Variants in RIMS2 observed in about 807,000 individuals in gnomAD.
RIMS2 encodes the protein regulating synaptic membrane exocytosis protein 2.
In RIMS2, 59 loss-of-function variants were observed where a neutral mutation model predicts 174.4. The observed-to-expected ratio is 0.34, with a 90% confidence interval of 0.27 to 0.42. RIMS2 has a LOEUF of 0.42. Ranked by LOEUF, RIMS2 falls within the 10% of genes least tolerant of loss-of-function variation. RIMS2 has a pLI of 1.00. For missense variants in RIMS2, 1,620 were observed against 1,666.3 expected (o/e 0.97, Z 0.48); for synonymous variants, 606 against 572.5 (o/e 1.06, Z -0.84).
At chr8:103,820,218 T>A (rs1401343779) in intron 3 of RIMS2, among the ~76,000 whole-genome samples, 1 of 152,090 alleles carries the variant, frequency 6.6e-6, no homozygotes, top group African/African-American at 2.4e-5. Context: ...GTGAAGGCTG[T>A]TAAATTATGA....
intron 1 of RIMS2, among the ~76,000 whole-genome samples, chr8:103,524,029 T>C (rs1046038305): frequency 2.6e-5 from 4 of 152,192 alleles, no homozygotes; most frequent in African/African-American, 7.2e-5. Context: ...TTCTAAGTAC[T>C]GACAACTGTA....
chr8:104,120,121 G>A (rs1246772110), intron 19 of RIMS2, among the ~76,000 whole-genome samples: 1 of 152,106 alleles, frequency 6.6e-6, no homozygotes, highest in Non-Finnish European at 1.5e-5. Context: ...TCAGGCTTCA[G>A]TTTTCTCACT....
At chr8:104,231,124 C>G (rs2099225671) in intron 19 of RIMS2, among the ~76,000 whole-genome samples, 1 of 152,114 alleles carries the variant, frequency 6.6e-6, no homozygotes, top group Admixed American at 6.5e-5. Flanking sequence ...TCGTTGTCAC[C>G]TTGGTAGTTT....
At chr8:104,102,004 C>G (rs2097912676) in intron 19 of RIMS2, among the ~76,000 whole-genome samples, 1 of 151,844 alleles carries the variant, frequency 6.6e-6, no homozygotes, top group Non-Finnish European at 1.5e-5. Context: ...CATCCTGGGC[C>G]CTCTTTTCTT....
intron 15 of RIMS2, among the ~76,000 whole-genome samples, chr8:103,967,636 A>G (rs914071182): frequency 6.6e-6 from 1 of 152,230 alleles, no homozygotes; most frequent in East Asian, 1.9e-4. Flanking sequence ...GTAATCTCCA[A>G]CTATAATGGT....
At chr8:103,681,698 A>G (rs2096882544) in intron 1 of RIMS2, among the ~76,000 whole-genome samples, 1 of 152,238 alleles carries the variant, frequency 6.6e-6, no homozygotes, top group East Asian at 1.9e-4. Flanking sequence ...TGTGTATAGT[A>G]TATCCAAGGT....
At chr8:104,138,351 A>C (rs1320687471) in intron 19 of RIMS2, among the ~76,000 whole-genome samples, 1 of 152,134 alleles carries the variant, frequency 6.6e-6, no homozygotes, top group Non-Finnish European at 1.5e-5. Flanking sequence ...GGAACCTCCA[A>C]ACTTGTCTTC....
chr8:103,702,336 C>T lies in RIMS2; in HGVS notation c.387+5040C>T, dbSNP rs545803537. Among the ~76,000 whole-genome samples, 3 of 151,918 alleles carry T rather than the reference C, an allele frequency of 2.0e-5. No individual in the cohort carries two copies. The South Asian group carries it at 6.3e-4, about 32-fold the overall frequency. ...TTTTTTGTATATTCCAGTTATTAAT[C>T]CCTTATTGGATAGATAATTTGTAAA... On this transcript the variant is annotated intron_variant, in intron 2 of 23. Coordinates refer to ENST00000504942, the Ensembl canonical transcript of RIMS2.
chr8:104,192,121 G>A (rs2099001034), intron 19 of RIMS2, among the ~76,000 whole-genome samples: 1 of 152,116 alleles, frequency 6.6e-6, no homozygotes, highest in Non-Finnish European at 1.5e-5. Flanking sequence ...TCTCTCAACT[G>A]CAGGCAGTAG....
At chr8:103,790,622 T>C (rs574863451) in intron 3 of RIMS2, among the ~76,000 whole-genome samples, 1 of 152,306 alleles carries the variant, frequency 6.6e-6, no homozygotes, top group East Asian at 1.9e-4. Flanking sequence ...TTATAATCAT[T>C]CCAGGGAGTA....
chr8:103,729,863 C>T (rs2097570067), intron 2 of RIMS2, among the ~76,000 whole-genome samples: 2 of 152,062 alleles, frequency 1.3e-5, no homozygotes, highest in Non-Finnish European at 2.9e-5. Context: ...TAAAATTCCT[C>T]TTGTTATTGA....
At chr8:103,948,281 CT>C (rs1449865411) in intron 14 of RIMS2, among the ~76,000 whole-genome samples, 2 of 152,148 alleles carry the variant, frequency 1.3e-5, no homozygotes, top group African/African-American at 4.8e-5. Flanking sequence ...ACAGTTTGGT[CT>C]TTGTTAAAAA....
chr8:104,219,881 T>C (rs1182703652), intron 19 of RIMS2, among the ~76,000 whole-genome samples: 1 of 152,168 alleles, frequency 6.6e-6, no homozygotes, highest in Non-Finnish European at 1.5e-5. Flanking sequence ...TTTCAATCTT[T>C]TATCAGTAGT....
chr8:103,835,249 G>C (rs377157474), intron 3 of RIMS2, among the ~76,000 whole-genome samples: 120 of 151,636 alleles, frequency 7.9e-4, no homozygotes, highest in African/African-American at 2.7e-3. Context: ...CTACAGGCAC[G>C]TGCCACCAGG....
chr8:103,939,232 C>T (rs182828386), intron 13 of RIMS2, among the ~76,000 whole-genome samples: 8 of 152,370 alleles, frequency 5.3e-5, no homozygotes, highest in Admixed American at 2.0e-4. Flanking sequence ...ACCTGGACAT[C>T]CAGGCATTTC....
intron 19 of RIMS2, among the ~76,000 whole-genome samples, chr8:104,209,592 A>C (rs1004150004): frequency 6.6e-5 from 10 of 152,110 alleles, no homozygotes; most frequent in Non-Finnish European, 1.2e-4. Flanking sequence ...TCACTGGCTT[A>C]TTTTGTTTGT....
chr8:103,949,199 A>G (rs999022185), intron 14 of RIMS2, among the ~76,000 whole-genome samples: 1 of 151,858 alleles, frequency 6.6e-6, no homozygotes, highest in Admixed American at 6.6e-5. Flanking sequence ...GAGAAGAGAA[A>G]AGAAAATGCA....
chr8:103,721,145 A>G (rs986774791), intron 2 of RIMS2, among the ~76,000 whole-genome samples: 1 of 152,116 alleles, frequency 6.6e-6, no homozygotes, highest in Non-Finnish European at 1.5e-5. Context: ...TGCTCTGGCC[A>G]TGTAAGATGT....
chr8:103,957,972 A>G (rs2088124310), intron 14 of RIMS2, among the ~76,000 whole-genome samples: 1 of 152,146 alleles, frequency 6.6e-6, no homozygotes, highest in Non-Finnish European at 1.5e-5. Context: ...AATTAGTTCA[A>G]CTGTTGTGTA....
Sources: gnomAD v4.1 joint callset for allele counts (sites outside exome capture counted in the v4.1 genomes callset) on GRCh38, gnomAD v4.1.1 for gene constraint, MANE v1.5 for transcripts, NCBI Gene and HGNC (gene_info 2026-07-23, HGNC 2026-07-21) for gene names.